Variants in NDUFAF6 observed in about 807,000 individuals in gnomAD.
The protein encoded by NDUFAF6 is NADH:ubiquinone oxidoreductase complex assembly factor 6, also known as NADH dehydrogenase (ubiquinone) complex I, assembly factor 6.
NDUFAF6 carries 45 observed loss-of-function variants against 40.8 expected under a neutral mutation model. That is an observed-to-expected ratio of 1.10 (90% CI 0.87 to 1.42). The LOEUF is 1.42. Among genes scored for constraint, NDUFAF6 ranks in the 40% most tolerant of loss-of-function variants. The probability of loss-of-function intolerance (pLI) is 0.00; values close to 1 mark genes in which losing one functional copy is unlikely to be tolerated. For synonymous variants in NDUFAF6, 185 were observed against 155.9 expected (o/e 1.19, Z -1.39); for missense variants, 435 against 418.5 (o/e 1.04, Z -0.34).
At chr8:95,073,409 C>G (rs1832936437) in intron 9 of NDUFAF6, among the ~76,000 whole-genome samples, 1 of 151,582 alleles carries the variant, frequency 6.6e-6, no homozygotes, top group African/African-American at 2.4e-5. Flanking sequence ...CTCCCGAGCG[C>G]CCGCGCCCCG....
At chr8:95,108,658 T>C (rs545917774) in intron 4 of NDUFAF6, among the ~76,000 whole-genome samples, 4 of 152,302 alleles carry the variant, frequency 2.6e-5, no homozygotes, top group African/African-American at 9.6e-5. Context: ...ACAGTGTGAA[T>C]GTACTTAAGA....
intron 6 of NDUFAF6, among the ~76,000 whole-genome samples, chr8:95,047,493 G>C (rs369986214): frequency 7.1e-6 from 1 of 140,120 alleles, no homozygotes; most frequent in Admixed American, 7.1e-5. Flanking sequence ...TGAGGACTTT[G>C]TTTTCTTTTC....
downstream of NDUFAF6, among the ~76,000 whole-genome samples, chr8:95,078,899 T>G (rs186339054): frequency 1.3e-5 from 2 of 152,244 alleles, no homozygotes; most frequent in Admixed American, 1.3e-4. Flanking sequence ...TCTTTTTTAT[T>G]GATGAATAAT....
chr8:94,973,643 G>T (rs13270641), intron 1 of NDUFAF6, among the ~76,000 whole-genome samples: 68,817 of 150,716 alleles, frequency 0.46, 16,884 homozygotes, highest in East Asian at 0.72. Flanking sequence ...GGGAGGTGGA[G>T]GTTGCAGTGA....
intron 3 of NDUFAF6, among the ~76,000 whole-genome samples, chr8:95,037,138 C>T (rs1422836210): frequency 6.6e-6 from 1 of 152,182 alleles, no homozygotes; most frequent in Non-Finnish European, 1.5e-5. Flanking sequence ...TAGATGGGTT[C>T]CCCATTTCTC....
At chr8:94,984,305 G>A (rs893503038) in intron 2 of NDUFAF6, 1 of 152,012 alleles carries the variant, frequency 6.6e-6, no homozygotes, top group Admixed American at 6.6e-5. Context: ...AAAAAACAGG[G>A]AGTTAAAATC....
chr8:94,932,098 T>C (rs751317498), intron 1 of NDUFAF6: 29 of 1,610,294 alleles, frequency 1.8e-5, no homozygotes, highest in Non-Finnish European at 2.4e-5. Context: ...ATAAGCAGCT[T>C]TTCCTGGCCC....
At chr8:95,051,157 A>G (rs1403317340) in intron 7 of NDUFAF6, among the ~76,000 whole-genome samples, 9 of 152,308 alleles carry the variant, frequency 5.9e-5, no homozygotes, top group African/African-American at 1.7e-4. Context: ...TAAGGCTCCA[A>G]GTTTGGATGG....
chr8:95,037,872 G>A (rs1197575843), intron 3 of NDUFAF6, among the ~76,000 whole-genome samples: 1 of 152,106 alleles, frequency 6.6e-6, no homozygotes, highest in Non-Finnish European at 1.5e-5. Flanking sequence ...CTTTCAGAAA[G>A]GTTACGAAAT....
At chr8:95,084,836 T>A (rs901850429) in intron 2 of NDUFAF6, among the ~76,000 whole-genome samples, 2 of 152,244 alleles carry the variant, frequency 1.3e-5, no homozygotes, top group African/African-American at 2.4e-5. Context: ...TTCCCACAAA[T>A]AGAACTTGAG....
intron 4 of NDUFAF6, among the ~76,000 whole-genome samples, chr8:95,041,891 A>T (rs1329166257): frequency 6.6e-6 from 1 of 152,218 alleles, no homozygotes; most frequent in Admixed American, 6.5e-5. Context: ...TTTCATACTT[A>T]CATAAAAGTA....
intron 1 of NDUFAF6, among the ~76,000 whole-genome samples, chr8:94,919,307 G>A (rs915963594): frequency 3.3e-5 from 5 of 152,048 alleles, no homozygotes; most frequent in Non-Finnish European, 5.9e-5. Context: ...TCAGCCTCCC[G>A]AGTAGCTGGG....
chr8:95,100,655 T>C (rs1809621123), intron 1 of NDUFAF6: 1 of 152,194 alleles, frequency 6.6e-6, no homozygotes, highest in African/African-American at 2.4e-5. Flanking sequence ...TTGGGAAGTA[T>C]TGGCTAAATG....
Position 95,005,554 on chromosome 8 carries a change from A to ATATATATATATATAT in NDUFAF6, c.-84+24581_-84+24582insTATATATATATATAT, listed in dbSNP as rs1554657858. Among the ~76,000 whole-genome samples the ATATATATATATATAT allele has an allele frequency of 4.9e-3, 565 of 115,290 alleles. 18 individuals carry two copies. The highest frequency in any genetic ancestry group is 7.0e-3 in the African/African-American group (188 of 26,762). 75.6% of individuals were successfully genotyped at this position (115,290 alleles called of 152,430 possible). ...ATATATATATATATATATATATATAAAAAATATATTAACATAAATAATATA... is the reference window on the plus strand; with the variant it reads ...ATATATATATATATATATATATATAATATATATATATATATAAAATATATTAACATAAATAATATA... On this transcript the variant is annotated intron_variant, in intron 2 of 9. Transcript: ENST00000396111.
At chr8:95,022,947 A>G (rs1421534756), upstream of NDUFAF6, among the ~76,000 whole-genome samples, 1 of 152,194 alleles carries the variant, frequency 6.6e-6, no homozygotes, top group Non-Finnish European at 1.5e-5. Flanking sequence ...AAGATGAAAT[A>G]TGGAAGGTGC....
intron 1 of NDUFAF6, among the ~76,000 whole-genome samples, chr8:94,965,844 A>G (rs1351880144): frequency 6.6e-6 from 1 of 152,164 alleles, no homozygotes; most frequent in Non-Finnish European, 1.5e-5. Context: ...TGTATTTAGC[A>G]CTGGTTATAT....
At chr8:95,045,077 C>G (rs1042201631) in intron 4 of NDUFAF6, among the ~76,000 whole-genome samples, 12 of 152,024 alleles carry the variant, frequency 7.9e-5, no homozygotes, top group Non-Finnish European at 1.8e-4. Context: ...CCGTCCCCAC[C>G]ATTTATTTAT....
At chr8:95,066,324 T>C (rs1174712045) in intron 9 of NDUFAF6, among the ~76,000 whole-genome samples, 1 of 137,642 alleles carries the variant, frequency 7.3e-6, no homozygotes. Flanking sequence ...AGACAGGGTC[T>C]CACTATGTTG....
chr8:95,026,447 G>A lies in NDUFAF6; in HGVS notation c.197+1242G>A, dbSNP rs1020265857. The stretch of plus-strand genomic sequence containing the variant: ...CGCTCCACTGCACTCTAGCCTGGGC[G>A]ACAGTCTCAAAAACAACAAAAACAA... On this transcript the variant is annotated intron_variant, in intron 1 of 8. Coordinates refer to ENST00000396124, the MANE Select transcript of NDUFAF6 (RefSeq NM_152416.4). Among the ~76,000 whole-genome samples the A allele has an allele frequency of 4.6e-5, 7 of 152,240 alleles. No individual in the cohort carries two copies. In the East Asian group the frequency reaches 1.4e-3, roughly 29 times the overall value.
Sources: gnomAD v4.1 joint callset for allele counts (sites outside exome capture counted in the v4.1 genomes callset) on GRCh38, gnomAD v4.1.1 for gene constraint, MANE v1.5 for transcripts, NCBI Gene and HGNC (gene_info 2026-07-23, HGNC 2026-07-21) for gene names.